SPMAP2L: variants seen among roughly 807,000 people sequenced by gnomAD.
The protein encoded by SPMAP2L is sperm microtubule associated protein 2 like.
the SPMAP2L span, among the ~76,000 whole-genome samples, chr4:56,542,136 A>C: frequency 0.17 from 26,055 of 152,222 alleles, 2,441 homozygotes; most frequent in East Asian, 0.4. Flanking sequence ...CAGAGGAATG[A>C]TCTGCCTCAG....
chr4:56,563,080 G>A, the SPMAP2L span, among the ~76,000 whole-genome samples: 3 of 131,644 alleles, frequency 2.3e-5, no homozygotes, highest in East Asian at 6.9e-4. Flanking sequence ...AGATAAGAAG[G>A]TTGTTAAGGC....
chr4:56,596,825 G>A, the SPMAP2L span, among the ~76,000 whole-genome samples: 2 of 152,198 alleles, frequency 1.3e-5, no homozygotes, highest in Non-Finnish European at 2.9e-5. Context: ...ATGGGCTTTG[G>A]AGTTCAGTTT....
chr4:56,552,267 A>T, the SPMAP2L span, among the ~76,000 whole-genome samples: 1 of 152,212 alleles, frequency 6.6e-6, no homozygotes, highest in East Asian at 1.9e-4. Flanking sequence ...TTTCCTGTTA[A>T]CAAGTGTGCA....
At chr4:56,616,778 A>G in the SPMAP2L span, among the ~76,000 whole-genome samples, 58 of 152,224 alleles carry the variant, frequency 3.8e-4, no homozygotes, top group Non-Finnish European at 6.0e-4. Context: ...CTTTTTTAAG[A>G]TCTTCCTTTA....
the SPMAP2L span, among the ~76,000 whole-genome samples, chr4:56,563,090 CT>C: frequency 6.1e-5 from 6 of 98,284 alleles, no homozygotes; most frequent in South Asian, 4.0e-4. Flanking sequence ...GTTGTTAAGG[CT>C]TTTTTTTTTT....
the SPMAP2L span, among the ~76,000 whole-genome samples, chr4:56,605,617 A>T: frequency 2.0e-5 from 3 of 151,958 alleles, no homozygotes; most frequent in African/African-American, 7.3e-5. Flanking sequence ...TGTAAATAAG[A>T]CTCTCTAGCT....
the SPMAP2L span, among the ~76,000 whole-genome samples, chr4:56,614,133 T>G: frequency 6.6e-6 from 1 of 152,146 alleles, no homozygotes; most frequent in Non-Finnish European, 1.5e-5. Flanking sequence ...TGGGAGAGCT[T>G]GAATAGGATT....
chr4:56,619,003 T>C, the SPMAP2L span, among the ~76,000 whole-genome samples: 8 of 152,304 alleles, frequency 5.3e-5, no homozygotes, highest in African/African-American at 1.9e-4. Context: ...AAGGCAGACA[T>C]ATGGCTTATT....
the SPMAP2L span, among the ~76,000 whole-genome samples, chr4:56,567,807 A>G: frequency 6.6e-6 from 1 of 151,734 alleles, no homozygotes; most frequent in Non-Finnish European, 1.5e-5. Flanking sequence ...TAAAAATTTG[A>G]TTATCATATA....
the SPMAP2L span, chr4:56,552,476 A>ATGGGATTTGTT: frequency 0.12 from 94,847 of 785,402 alleles, 6,270 homozygotes; most frequent in East Asian, 0.2. Flanking sequence ...CCCCCCTCCT[A>ATGGGATTTGTT]TGAGCAGGAG....
the SPMAP2L span, chr4:56,530,978 A>G: frequency 1.3e-6 from 2 of 1,535,218 alleles, no homozygotes; most frequent in Non-Finnish European, 1.7e-6. Flanking sequence ...TATGCACCTT[A>G]CGAACTCCAT....
the SPMAP2L span, among the ~76,000 whole-genome samples, chr4:56,596,283 A>AC: frequency 0.032 from 4,856 of 152,214 alleles, 165 homozygotes; most frequent in African/African-American, 0.083. Context: ...CACAACAACA[A>AC]AAAAAAGAAA....
the SPMAP2L span, chr4:56,600,964 A>C: frequency 6.5e-7 from 1 of 1,535,062 alleles, no homozygotes; most frequent in Non-Finnish European, 8.7e-7. Context: ...AGCTAAACCT[A>C]GCCCCCGAAC....
the SPMAP2L span, among the ~76,000 whole-genome samples, chr4:56,620,740 A>C: frequency 3.3e-5 from 5 of 152,242 alleles, no homozygotes. Flanking sequence ...TGAAGGCTGC[A>C]TGCATTCTGC....
At chr4:56,538,088 T>A in the SPMAP2L span, among the ~76,000 whole-genome samples, 2 of 152,170 alleles carry the variant, frequency 1.3e-5, no homozygotes, top group African/African-American at 4.8e-5. Flanking sequence ...GTGGGTATTT[T>A]AAAAATGAAT....
At chr4:56,552,123 A>G in the SPMAP2L span, among the ~76,000 whole-genome samples, 1 of 152,204 alleles carries the variant, frequency 6.6e-6, no homozygotes. Context: ...ATTGAGTGGT[A>G]CCAAAAGTGT....
At chr4:56,595,821 T>G in the SPMAP2L span, 1 of 761,412 alleles carries the variant, frequency 1.3e-6, no homozygotes, top group South Asian at 1.4e-5. Flanking sequence ...CAAGTAGGAG[T>G]TTTATATACT....
chr4:56,558,373 C>T, the SPMAP2L span, among the ~76,000 whole-genome samples: 1 of 152,150 alleles, frequency 6.6e-6, no homozygotes, highest in Admixed American at 6.5e-5. Flanking sequence ...ACATTATCCT[C>T]AGTGACTTTT....
chr4:56,567,984 G>C, the SPMAP2L span, among the ~76,000 whole-genome samples: 1 of 152,030 alleles, frequency 6.6e-6, no homozygotes, highest in African/African-American at 2.4e-5. Context: ...CAGACTGCTT[G>C]AAGTTTTCCC....
Sources: gnomAD v4.1 joint callset for allele counts (sites outside exome capture counted in the v4.1 genomes callset) on GRCh38, gnomAD v4.1.1 for gene constraint, MANE v1.5 for transcripts, NCBI Gene and HGNC (gene_info 2026-07-23, HGNC 2026-07-21) for gene names.